Variants in BOK observed in about 807,000 individuals in gnomAD.
BOK encodes the protein bcl-2-related ovarian killer protein.
Under a neutral mutation model 18.3 loss-of-function variants are expected in BOK, and 20 were observed. The ratio of observed to expected loss-of-function variants is 1.09; its 90% CI spans 0.77 to 1.59. The LOEUF is 1.59. BOK is among the 40% of genes most tolerant of loss of function. The probability of loss-of-function intolerance (pLI) is 0.00; values close to 1 mark genes in which losing one functional copy is unlikely to be tolerated. For synonymous variants in BOK, 173 were observed against 142.4 expected (o/e 1.21, Z -1.53); for missense variants, 348 against 307.9 (o/e 1.13, Z -0.97).
chr2:241,556,507 C>T (rs557193037), upstream of BOK, among the ~76,000 whole-genome samples: 1 of 105,126 alleles, frequency 9.5e-6, no homozygotes, highest in South Asian at 3.2e-4. Flanking sequence ...TCGCTGGAGC[C>T]CAGGAGGCGG....
At chr2:241,569,747 G>A (rs144420085) in intron 3 of BOK, among the ~76,000 whole-genome samples, 6 of 152,286 alleles carry the variant, frequency 3.9e-5, no homozygotes, top group Admixed American at 6.5e-5. Context: ...GTTTCTCTGC[G>A]GGCCTCAGCT....
rs1468816208 is a variant in BOK at position 241,562,822 on chromosome 2, C to T, written c.349+346C>T. Among the ~76,000 whole-genome samples the T allele has an allele frequency of 2.0e-5, 3 of 152,164 alleles. No homozygotes were observed. Among genetic ancestry groups the T allele is most frequent in the African/African-American group, 4.8e-5 (2 of 41,430 alleles). Reference sequence around the variant, plus strand: ...CTGCCTGGTTTCCTGCAGGGGCCCCCGAGCGGGGCTTGGGCTTCTCACAGC... The same window carrying T: ...CTGCCTGGTTTCCTGCAGGGGCCCCTGAGCGGGGCTTGGGCTTCTCACAGC... On this transcript the variant is annotated intron_variant, in intron 3 of 4. Transcript: ENST00000318407. The surrounding 1 kb of genome is among the most constrained non-coding windows in gnomAD (Gnocchi z 4.5).
Position 241,559,554 on chromosome 2 carries a change from ACAAGGAGCTGGTGGCCCAGGC to A in BOK, c.77_97del (p.Glu26_Lys32del). On this transcript the variant is annotated inframe_deletion, in exon 2 of 5. Coordinates refer to ENST00000318407, the MANE Select transcript of BOK (RefSeq NM_032515.5). ...GACGCCTTTGACCGCTCGCCCACAG[ACAAGGAGCTGGTGGCCCAGGC>A]CAAGGCGCTGGGCCGGGAGTACGTG... The A allele has an allele frequency of 6.5e-7, 1 of 1,528,426 alleles. No homozygotes were observed. The highest frequency in any genetic ancestry group is 8.7e-7 in the Non-Finnish European group (1 of 1,146,954). The allele number at this position is 1,528,426 out of a possible 1,614,324, so 94.7% of individuals were successfully genotyped here.
At chr2:241,555,572 T>C (rs1181235198), upstream of BOK, among the ~76,000 whole-genome samples, 1 of 152,040 alleles carries the variant, frequency 6.6e-6, no homozygotes, top group African/African-American at 2.4e-5. Flanking sequence ...AAACGGAGTC[T>C]CACCTTGTTG....
rs546933651 is a variant in BOK, at chr2:241,569,322, A to G, written c.350-803A>G. Among the ~76,000 whole-genome samples, 124 of 104,014 alleles carry G rather than the reference A, an allele frequency of 1.2e-3. 1 individual carries two copies. The East Asian group carries it at 0.022, about 19-fold the overall frequency. The allele number at this position is 104,014 out of a possible 152,430, so 68.2% of individuals were successfully genotyped here. ...AATTTTTTGTGTATTTTTAGTAGAG[A>G]CGGTTTCACCATGTTGGTCAGGCTG... is the stretch of plus-strand genomic sequence containing the variant. On this transcript the variant is annotated intron_variant, in intron 3 of 4. Transcript: ENST00000318407.
chr2:241,568,858 T>C (rs1360565022), intron 3 of BOK, among the ~76,000 whole-genome samples: 1 of 152,230 alleles, frequency 6.6e-6, no homozygotes, highest in Non-Finnish European at 1.5e-5. Flanking sequence ...AGCTGATTTA[T>C]GTTTTCATAA....
chr2:241,556,686 G>C (rs2125042267), upstream of BOK, among the ~76,000 whole-genome samples: 1 of 151,602 alleles, frequency 6.6e-6, no homozygotes, highest in South Asian at 2.1e-4. Flanking sequence ...GCAGATAGAA[G>C]TTCCATAGCT....
In BOK at chr2:241,559,657, G is replaced by A. The variant is rs2066496033; in HGVS notation, c.174G>A (p.Pro58=). ...GGAGCGCGCCCGAGCGTGCCGCGCC[G>A]GTCCCGGGACGCCTGGCTGAGGTGT... ...LSWSAPERAA[P]VPGRLAEVCA... The change falls in exon 2 of 5, where the codon CCG becomes CCA. Residue 58 remains proline (P), a synonymous_variant. Transcript: ENST00000318407. 2.9e-6 allele frequency: 4 copies of A among 1,386,932 alleles called. No individual in the cohort carries two copies. The highest frequency in any genetic ancestry group is 3.7e-6 in the Non-Finnish European group (4 of 1,079,326). The allele number at this position is 1,386,932 out of a possible 1,614,324, so 85.9% of individuals were successfully genotyped here.
chr2:241,566,566 C>T (rs1275613023), intron 3 of BOK, among the ~76,000 whole-genome samples: 1 of 152,142 alleles, frequency 6.6e-6, no homozygotes, highest in African/African-American at 2.4e-5. Flanking sequence ...CCACCCACTT[C>T]GGCCTCCCAC....
chr2:241,555,082 T>C (rs1021876471), upstream of BOK, among the ~76,000 whole-genome samples: 2 of 152,156 alleles, frequency 1.3e-5, no homozygotes, highest in Non-Finnish European at 2.9e-5. Context: ...CAGGTCTCAG[T>C]GGACAGGAAG....
intron 3 of BOK, among the ~76,000 whole-genome samples, chr2:241,563,806 G>A (rs1298983368): frequency 7.2e-5 from 11 of 152,236 alleles, no homozygotes; most frequent in Non-Finnish European, 1.5e-5. Flanking sequence ...CCCACGCCAC[G>A]GGGTGACCCT....
At chr2:241,557,500 G>A (rs575527175), upstream of BOK, among the ~76,000 whole-genome samples, 3 of 151,686 alleles carry the variant, frequency 2.0e-5, no homozygotes, top group South Asian at 2.1e-4. Flanking sequence ...TAGTAGAGAC[G>A]GGGTTTTCAC....
At chr2:241,561,145 T>TGC (rs2066521311) in intron 2 of BOK, among the ~76,000 whole-genome samples, 2 of 152,002 alleles carry the variant, frequency 1.3e-5, no homozygotes, top group East Asian at 1.9e-4. Flanking sequence ...CAGAGCAGCC[T>TGC]TTATCAGCTG....
rs745567835 is a variant in BOK at position 241,567,624 on chromosome 2, C to T, written c.350-2501C>T. Among the ~76,000 whole-genome samples the T allele has an allele frequency of 2.8e-4, 37 of 134,012 alleles. 8 individuals are homozygous for T. The East Asian group carries it at 4.8e-3, about 17-fold the overall frequency. 87.9% of individuals were successfully genotyped at this position (134,012 alleles called of 152,430 possible). ...ATCCCACCAATGACAAGGGCACCTT[C>T]GAGGTTGGGGTGGCAGGAAAAGGGC... On this transcript the variant is annotated intron_variant, in intron 3 of 4. Coordinates refer to ENST00000318407, the MANE Select transcript of BOK (RefSeq NM_032515.5).
intron 1 of BOK, 144 bp from the exon 2 acceptor site, chr2:241,559,311 T>G (rs1174713666): frequency 2.4e-6 from 1 of 420,528 alleles, no homozygotes; most frequent in Non-Finnish European, 3.9e-6. Context: ...TGGCGCTGGG[T>G]TTTTAAAGAT....
At chr2:241,564,121 G>A (rs1213628223) in intron 3 of BOK, among the ~76,000 whole-genome samples, 5 of 152,258 alleles carry the variant, frequency 3.3e-5, no homozygotes, top group Admixed American at 3.3e-4. Flanking sequence ...AGTTACTGTG[G>A]CTGGGATGCA....
In BOK at chr2:241,562,474, C is replaced by A; in HGVS notation, c.347C>A (p.Ala116Glu). Residue 116 changes from alanine to glutamate, a missense_variant and splice_region_variant, in exon 3 of 5, where the codon GCA becomes GAA. Ala to Glu is a moderately radical substitution (Grantham distance 107, BLOSUM62 -1). Transcript: ENST00000318407. The surrounding 1 kb of genome is among the most constrained non-coding windows in gnomAD (Gnocchi z 4.5). Reference sequence around the variant, plus strand: ...GCCGTGGCTGGCCACATCTTCTCTGCAGGTATGCCCAGCCTGCCCGTCCCA... The same window carrying A: ...GCCGTGGCTGGCCACATCTTCTCTGAAGGTATGCCCAGCCTGCCCGTCCCA... ...FLAVAGHIFS[A>E]GITWGKVVSL... is the part of the protein sequence containing the mutation. 1 of 1,607,556 alleles carries A rather than the reference C, an allele frequency of 6.2e-7. No individual in the cohort carries two copies. Among genetic ancestry groups the A allele is most frequent in the Non-Finnish European group, 8.5e-7 (1 of 1,177,776 alleles).
chr2:241,566,279 ATTCTTTCTT>A (rs2066610805), intron 3 of BOK, among the ~76,000 whole-genome samples: 1 of 145,328 alleles, frequency 6.9e-6, no homozygotes, highest in African/African-American at 2.6e-5. Flanking sequence ...GGCAGACCCT[ATTCTTTCTT>A]TTTTTTCTTT....
chr2:241,562,309 G>A lies in BOK; in HGVS notation c.221-39G>A, dbSNP rs1171181192. On this transcript the variant is annotated intron_variant, in intron 2 of 4. Coordinates refer to ENST00000318407, the MANE Select transcript of BOK (RefSeq NM_032515.5). The surrounding 1 kb of genome is among the most constrained non-coding windows in gnomAD (Gnocchi z 4.5). ...AGCCAGTCGTGTCCCAGGAAGCTGGGACGTGGGCTGCCTCTCACCTGCTCT... is the reference window on the plus strand; with the variant it reads ...AGCCAGTCGTGTCCCAGGAAGCTGGAACGTGGGCTGCCTCTCACCTGCTCT... 2.6e-6 allele frequency: 4 copies of A among 1,555,646 alleles called. No homozygotes were observed. Among genetic ancestry groups the A allele is most frequent in the Middle Eastern group, 3.4e-4 (2 of 5,834 alleles).
Sources: gnomAD v4.1 joint callset for allele counts (sites outside exome capture counted in the v4.1 genomes callset) on GRCh38, gnomAD v4.1.1 for gene constraint, Gnocchi (gnomAD v3.1) non-coding constraint, MANE v1.5 for transcripts, NCBI Gene and HGNC (gene_info 2026-07-23, HGNC 2026-07-21) for gene names.